The following SHOC1 variants were observed in gnomAD, a reference collection of about 807,000 sequenced individuals.
The protein encoded by SHOC1 is protein shortage in chiasmata 1 ortholog.
A neutral mutation model predicts 179.2 loss-of-function variants in SHOC1; 136 were observed. That is an observed-to-expected ratio of 0.76 (90% CI 0.66 to 0.87). The LOEUF (loss-of-function observed/expected upper bound fraction) is 0.87, where lower values mean the gene tolerates loss of function less well. SHOC1 is among the 40% of genes least tolerant of loss of function. SHOC1 has a pLI of 0.00. For synonymous variants in SHOC1, 489 were observed against 586.6 expected (o/e 0.83, Z 2.41); for missense variants, 1,538 against 1,700.8 (o/e 0.90, Z 1.68).
chr9:111,701,692 G>C (rs1027773352), intron 23 of SHOC1, among the ~76,000 whole-genome samples: 2 of 152,012 alleles, frequency 1.3e-5, no homozygotes, highest in Non-Finnish European at 2.9e-5. Flanking sequence ...GAAAAACCAG[G>C]CTAAATCACT....
chr9:111,704,662 C>T (rs1207580476), intron 21 of SHOC1, among the ~76,000 whole-genome samples: 3 of 152,190 alleles, frequency 2.0e-5, no homozygotes, highest in Non-Finnish European at 4.4e-5. Context: ...AATTATCCTT[C>T]CTTGACATGG....
rs1354830863 is a variant in SHOC1, at chr9:111,694,020, A to AG, written c.3316-73_3316-72insC. Reference sequence around the variant, plus strand: ...GAGCCATTTTATTCTACAAGTAAGTACATTTCTTCCTAGAAAAGAGTTTAA... The same window carrying AG: ...GAGCCATTTTATTCTACAAGTAAGTAGCATTTCTTCCTAGAAAAGAGTTTAA... On this transcript the variant is annotated intron_variant, in intron 25 of 27. Coordinates refer to ENST00000682961, the MANE Select transcript of SHOC1 (RefSeq NM_001378211.1). 183 of 1,309,994 alleles carry AG rather than the reference A, an allele frequency of 1.4e-4. No individual in the cohort carries two copies. In the African/African-American group the frequency reaches 2.4e-3, roughly 17 times the overall value. 81.1% of individuals were successfully genotyped at this position (1,309,994 alleles called of 1,614,324 possible). A position where few individuals can be genotyped will look rare whatever the true frequency, so the allele number is the denominator to read the frequency against.
At chr9:111,708,392 A>G (rs1832381048) in intron 18 of SHOC1, among the ~76,000 whole-genome samples, 1 of 151,882 alleles carries the variant, frequency 6.6e-6, no homozygotes. Flanking sequence ...TAGTAGAGAC[A>G]GTGTTTCACC....
intron 5 of SHOC1, among the ~76,000 whole-genome samples, chr9:111,773,872 C>T (rs1216823999): frequency 1.3e-5 from 2 of 151,738 alleles, no homozygotes; most frequent in African/African-American, 2.4e-5. Flanking sequence ...TTACAAATCC[C>T]CAAATATACT....
chr9:111,692,964 G>T (rs1831510829), intron 26 of SHOC1, among the ~76,000 whole-genome samples: 1 of 152,148 alleles, frequency 6.6e-6, no homozygotes, highest in Non-Finnish European at 1.5e-5. Flanking sequence ...ATTCCAAAAT[G>T]ATTTAAAGCT....
intron 7 of SHOC1, among the ~76,000 whole-genome samples, chr9:111,757,122 T>A (rs1834898341): frequency 6.6e-6 from 1 of 152,156 alleles, no homozygotes; most frequent in Admixed American, 6.5e-5. Context: ...TGTGTTTTGT[T>A]TTTGAGATGG....
intron 18 of SHOC1, 84 bp from the exon 19 acceptor site, chr9:111,708,008 T>C (rs939845710): frequency 1.4e-6 from 1 of 709,234 alleles, no homozygotes; most frequent in African/African-American, 1.9e-5. Flanking sequence ...ACCATAAAAA[T>C]GAATTAAAAA....
chr9:111,753,803 T>A (rs1834721328), intron 8 of SHOC1, among the ~76,000 whole-genome samples: 1 of 152,070 alleles, frequency 6.6e-6, no homozygotes, highest in Admixed American at 6.5e-5. Context: ...TATTGACAAA[T>A]CTGCCTAATA....
chr9:111,735,262 G>A (rs143933410), intron 12 of SHOC1, among the ~76,000 whole-genome samples: 147 of 152,024 alleles, frequency 9.7e-4, no homozygotes, highest in African/African-American at 3.2e-3. Flanking sequence ...GTATATACAT[G>A]TTATGGTGGT....
intron 10 of SHOC1, among the ~76,000 whole-genome samples, chr9:111,743,953 T>G (rs1012139017): frequency 9.2e-5 from 14 of 152,330 alleles, no homozygotes; most frequent in Non-Finnish European, 1.6e-4. Flanking sequence ...TTCAAATGGC[T>G]CTAAAACCAT....
At chr9:111,698,206 A>G (rs1403667285) in intron 24 of SHOC1, among the ~76,000 whole-genome samples, 2 of 151,988 alleles carry the variant, frequency 1.3e-5, no homozygotes, top group Non-Finnish European at 2.9e-5. Flanking sequence ...ATTAGATCCC[A>G]TTTGTCAATT....
At chr9:111,773,667 C>T (rs1002538675) in intron 5 of SHOC1, among the ~76,000 whole-genome samples, 19 of 152,068 alleles carry the variant, frequency 1.2e-4, no homozygotes, top group African/African-American at 4.6e-4. Flanking sequence ...TTTATATGTT[C>T]CCAGGATACC....
intron 8 of SHOC1, among the ~76,000 whole-genome samples, chr9:111,748,400 G>A (rs1301240338): frequency 6.6e-6 from 1 of 152,094 alleles, no homozygotes; most frequent in Non-Finnish European, 1.5e-5. Context: ...CACACTCCTT[G>A]TTGCCCTTCA....
chr9:111,758,073 A>G lies in SHOC1; in HGVS notation c.708+11T>C. On this transcript the variant is annotated intron_variant, in intron 7 of 27. Coordinates refer to ENST00000682961, the MANE Select transcript of SHOC1 (RefSeq NM_001378211.1). ...TTTTACTAAAATATTATTGAAAGCC[A>G]GTATTACAACCTCATTTAAACATAT... 2 of 1,320,296 alleles carry G rather than the reference A, an allele frequency of 1.5e-6. No individual in the cohort carries two copies. Among genetic ancestry groups the G allele is most frequent in the Non-Finnish European group, 2.1e-6 (2 of 947,926 alleles). The allele number at this position is 1,320,296 out of a possible 1,614,324, so 81.8% of individuals were successfully genotyped here.
At chr9:111,758,378 C>G (rs1272459605) in intron 6 of SHOC1, among the ~76,000 whole-genome samples, 183 bp from the exon 7 acceptor site, 1 of 152,112 alleles carries the variant, frequency 6.6e-6, no homozygotes, top group African/African-American at 2.4e-5. Flanking sequence ...GGTGGATCAC[C>G]TGAGGTCAGG....
At chr9:111,686,957 T>TC in intron 27 of SHOC1, 87 bp from the exon 28 acceptor site, 2 of 787,692 alleles carry the variant, frequency 2.5e-6, no homozygotes, top group South Asian at 1.9e-5. Flanking sequence ...TTTTTTTTTC[T>TC]TTTTTGAGAT....
At chr9:111,741,423 G>A (rs568753349) in intron 11 of SHOC1, 53 bp downstream of exon 11, 804 of 1,003,900 alleles carry the variant, frequency 8.0e-4, no homozygotes, top group Non-Finnish European at 1.1e-3. Flanking sequence ...TCTACTCGTT[G>A]TACCTTTTTA....
chr9:111,746,068 T>C (rs1834263213), intron 10 of SHOC1, among the ~76,000 whole-genome samples, 166 bp downstream of exon 10: 1 of 152,218 alleles, frequency 6.6e-6, no homozygotes, highest in Non-Finnish European at 1.5e-5. Context: ...AAACCAAATA[T>C]ATACATAAAT....
chr9:111,781,920 G>A (rs1450392050), intron 3 of SHOC1, among the ~76,000 whole-genome samples: 1 of 151,982 alleles, frequency 6.6e-6, no homozygotes, highest in Non-Finnish European at 1.5e-5. Flanking sequence ...ATCTAAGCCT[G>A]TGCCTCATTG....
Sources: allele counts gnomAD v4.1 joint callset (sites outside exome capture counted in the v4.1 genomes callset), GRCh38; gene constraint gnomAD v4.1.1; transcripts MANE v1.5; gene names NCBI Gene and HGNC (gene_info 2026-07-23, HGNC 2026-07-21).